PPP3CA: variants seen among roughly 807,000 people sequenced by gnomAD.
PPP3CA encodes the protein CAM-PRP catalytic subunit.
In PPP3CA, 14 loss-of-function variants were observed where a neutral mutation model predicts 66.5. The observed-to-expected ratio is 0.21, with a 90% CI of 0.14 to 0.33. The LOEUF (loss-of-function observed/expected upper bound fraction) is 0.33, where lower values mean the gene tolerates loss of function less well. PPP3CA is among the 10% of genes least tolerant of loss of function. The pLI is 1.00. For synonymous variants in PPP3CA, 232 were observed against 226.2 expected (o/e 1.03, Z -0.23); for missense variants, 317 against 639.5 (o/e 0.50, Z 5.44).
chr4:101,295,097 C>T (rs1364162359), intron 1 of PPP3CA, among the ~76,000 whole-genome samples: 1 of 150,274 alleles, frequency 6.7e-6, no homozygotes, highest in Non-Finnish European at 1.5e-5. Flanking sequence ...GTCAGGAGAT[C>T]GAGACCATCC....
At chr4:101,330,339 G>A (rs751563781) in intron 1 of PPP3CA, 8 of 472,380 alleles carry the variant, frequency 1.7e-5, no homozygotes, top group Non-Finnish European at 8.5e-6. Context: ...GATGAGCAAA[G>A]AAGATAGTTT....
intron 1 of PPP3CA, among the ~76,000 whole-genome samples, chr4:101,332,380 T>C (rs1487561663): frequency 6.6e-6 from 1 of 151,812 alleles, no homozygotes; most frequent in Non-Finnish European, 1.5e-5. Context: ...TAGCAAAAAG[T>C]CAAAAAAGAA....
intron 3 of PPP3CA, 77 bp downstream of exon 3, chr4:101,108,877 A>G: frequency 7.0e-7 from 1 of 1,438,708 alleles, no homozygotes; most frequent in South Asian, 1.3e-5. Flanking sequence ...ATAAGGCAAT[A>G]ACATTTACTG....
At chr4:101,150,303 G>A (rs536986838) in intron 2 of PPP3CA, among the ~76,000 whole-genome samples, 18 of 152,222 alleles carry the variant, frequency 1.2e-4, no homozygotes, top group Admixed American at 7.2e-4. Context: ...TTCTTGTACC[G>A]CTAACAGTTC....
rs1724776055 is a variant in PPP3CA at position 101,195,961 on chromosome 4, G to T, written c.214C>A (p.Leu72Ile). 6.2e-7 allele frequency: 1 copy of T among 1,613,838 alleles called. No individual in the cohort carries two copies. The highest frequency in any genetic ancestry group is 1.3e-5 in the African/African-American group (1 of 74,890). The change falls in exon 2 of 14, where the codon CTT (leucine) becomes ATT (isoleucine). Residue 72 changes from leucine (L) to isoleucine (I), a missense_variant. Physicochemically the swap from Leu to Ile is conservative, Grantham distance 5 (BLOSUM62 2). Coordinates refer to ENST00000394854, the MANE Select transcript of PPP3CA (RefSeq NM_000944.5). ...LRIITEGASI[L>I]RQEKNLLDID... ...TCCAGCAAATTTTTTTCCTGTCGAAGAATTGATGCACCCTCTGTTATTATT... is the reference window on the plus strand; with the variant it reads ...TCCAGCAAATTTTTTTCCTGTCGAATAATTGATGCACCCTCTGTTATTATT...
rs1728034033 is a variant in PPP3CA, at chr4:101,291,780, T to C, written c.58+54959A>G. Among the ~76,000 whole-genome samples, 3 of 152,256 alleles carry C rather than the reference T, an allele frequency of 2.0e-5. No individual in the cohort carries two copies. In the South Asian group the frequency reaches 6.2e-4, roughly 32 times the overall value. ...GTGGAGTAAACAAATGTCTTTGGAA[T>C]GGCCCACAACTTCCCTTACCTCCAC... On this transcript the variant is annotated intron_variant, in intron 1 of 13. Coordinates refer to ENST00000394854, the MANE Select transcript of PPP3CA (RefSeq NM_000944.5).
intron 10 of PPP3CA, among the ~76,000 whole-genome samples, chr4:101,050,163 T>C (rs1727946729): frequency 6.6e-6 from 1 of 152,022 alleles, no homozygotes; most frequent in Non-Finnish European, 1.5e-5. Context: ...TATTATCTTA[T>C]CAGGAGAACG....
chr4:101,307,087 C>G (rs1728558027), intron 1 of PPP3CA, among the ~76,000 whole-genome samples: 1 of 150,822 alleles, frequency 6.6e-6, no homozygotes, highest in Non-Finnish European at 1.5e-5. Context: ...GTAATTTTTC[C>G]TAGCAAAAAC....
intron 2 of PPP3CA, among the ~76,000 whole-genome samples, chr4:101,139,755 T>C (rs1053365064): frequency 6.6e-6 from 1 of 150,880 alleles, no homozygotes; most frequent in Non-Finnish European, 1.5e-5. Flanking sequence ...TTGTGTGCTT[T>C]TGTCCTGTAA....
chr4:101,205,071 G>A (rs1039306148), intron 1 of PPP3CA, among the ~76,000 whole-genome samples: 6 of 151,298 alleles, frequency 4.0e-5, no homozygotes, highest in African/African-American at 1.5e-4. Flanking sequence ...CCTCCTCACT[G>A]GGATGAATTT....
At chr4:101,081,723 A>T (rs1267095021) in intron 7 of PPP3CA, among the ~76,000 whole-genome samples, 1 of 152,210 alleles carries the variant, frequency 6.6e-6, no homozygotes, top group African/African-American at 2.4e-5. Flanking sequence ...ATAATTTTAA[A>T]AACACTGTGA....
At chr4:101,152,336 G>A (rs17030810) in intron 2 of PPP3CA, among the ~76,000 whole-genome samples, 2 of 152,218 alleles carry the variant, frequency 1.3e-5, no homozygotes, top group South Asian at 2.1e-4. Context: ...AAGAGTAATT[G>A]AGAATAACTA....
chr4:101,088,321 C>T (rs1035273066), intron 6 of PPP3CA, among the ~76,000 whole-genome samples: 2 of 152,140 alleles, frequency 1.3e-5, no homozygotes, highest in Non-Finnish European at 2.9e-5. Context: ...CATGTTGGCT[C>T]ACGCCTGTAA....
At chr4:101,124,795 GA>G in intron 2 of PPP3CA, among the ~76,000 whole-genome samples, 1 of 113,534 alleles carries the variant, frequency 8.8e-6, no homozygotes, top group Admixed American at 8.0e-5. Context: ...AAGAAAGAAA[GA>G]AAGAGAAAAC....
chr4:101,334,053 A>G (rs1729543961), intron 1 of PPP3CA, among the ~76,000 whole-genome samples: 1 of 152,140 alleles, frequency 6.6e-6, no homozygotes, highest in African/African-American at 2.4e-5. Context: ...TTTAACAGCC[A>G]TTTTACACTC....
intron 6 of PPP3CA, among the ~76,000 whole-genome samples, chr4:101,087,103 T>C (rs964519699): frequency 3.3e-5 from 5 of 152,178 alleles, no homozygotes; most frequent in Non-Finnish European, 7.3e-5. Context: ...CTCTGCTTCT[T>C]GGGGCCTGGG....
chr4:101,292,623 TTC>T, intron 1 of PPP3CA, among the ~76,000 whole-genome samples: 3 of 152,230 alleles, frequency 2.0e-5, no homozygotes, highest in Admixed American at 6.5e-5. Context: ...AAGAGAGATT[TTC>T]TATTGCCACA....
At chr4:101,109,308 T>TAAAAAA (rs70961775) in intron 2 of PPP3CA, among the ~76,000 whole-genome samples, 15 of 90,042 alleles carry the variant, frequency 1.7e-4, no homozygotes, top group East Asian at 3.2e-4. Flanking sequence ...ACAGATTAAC[T>TAAAAAA]AAAAAAAAAA....
intron 2 of PPP3CA, among the ~76,000 whole-genome samples, chr4:101,131,265 T>A (rs2110282735): frequency 6.7e-6 from 1 of 149,000 alleles, no homozygotes; most frequent in South Asian, 2.1e-4. Context: ...AATAAATAAA[T>A]AAATAAATAA....
Sources: gnomAD v4.1 joint callset for allele counts (sites outside exome capture counted in the v4.1 genomes callset) on GRCh38, gnomAD v4.1.1 for gene constraint, MANE v1.5 for transcripts, NCBI Gene and HGNC (gene_info 2026-07-23, HGNC 2026-07-21) for gene names.